GULP1: variants seen among roughly 807,000 people sequenced by gnomAD.
The protein encoded by GULP1 is GULP PTB domain containing engulfment adaptor 1.
In GULP1, 19 loss-of-function variants were observed where a neutral mutation model predicts 40.9. The ratio of observed to expected loss-of-function variants is 0.46; its 90% CI spans 0.32 to 0.68. The LOEUF (loss-of-function observed/expected upper bound fraction) is 0.68. GULP1 is among the 30% of genes least tolerant of loss of function. GULP1 has a pLI of 0.03. For synonymous variants in GULP1, 119 were observed against 117.6 expected (o/e 1.01, Z -0.08); for missense variants, 312 against 362.2 (o/e 0.86, Z 1.12).
At chr2:188,490,583 C>G (rs1048474224) in intron 4 of GULP1, among the ~76,000 whole-genome samples, 5 of 152,062 alleles carry the variant, frequency 3.3e-5, no homozygotes, top group African/African-American at 1.2e-4. Flanking sequence ...GGCCACATGT[C>G]TAAGCTTCCA....
At chr2:188,543,309 G>T (rs1691027136) in intron 7 of GULP1, among the ~76,000 whole-genome samples, 1 of 151,952 alleles carries the variant, frequency 6.6e-6, no homozygotes. Flanking sequence ...TATCAATTGG[G>T]GCTGGAGCTC....
chr2:188,317,996 G>A (rs2039379425), intron 1 of GULP1, among the ~76,000 whole-genome samples: 1 of 151,800 alleles, frequency 6.6e-6, no homozygotes, highest in Admixed American at 6.6e-5. Context: ...ATTTCACTTG[G>A]CTATTTATTG....
chr2:188,434,552 T>C (rs958846684), intron 2 of GULP1, among the ~76,000 whole-genome samples: 3 of 151,728 alleles, frequency 2.0e-5, no homozygotes, highest in African/African-American at 7.2e-5. Flanking sequence ...GCCTTCCATA[T>C]TTGTGACATC....
intron 2 of GULP1, among the ~76,000 whole-genome samples, chr2:188,412,329 C>A (rs2054002672): frequency 6.6e-6 from 1 of 152,102 alleles, no homozygotes; most frequent in African/African-American, 2.4e-5. Context: ...TAATTTAATG[C>A]ACGCCTACCC....
chr2:188,296,988 G>A (rs2105928060), intron 1 of GULP1, among the ~76,000 whole-genome samples: 1 of 151,708 alleles, frequency 6.6e-6, no homozygotes, highest in African/African-American at 2.4e-5. Context: ...CTTTCTGTGT[G>A]TGCATACTTA....
intron 2 of GULP1, among the ~76,000 whole-genome samples, chr2:188,420,826 A>C (rs1022101023): frequency 6.6e-6 from 1 of 152,106 alleles, no homozygotes; most frequent in Non-Finnish European, 1.5e-5. Context: ...TGAGGAAGGA[A>C]GTTCTTACTC....
chr2:188,455,415 T>C (rs999117499), intron 2 of GULP1, among the ~76,000 whole-genome samples: 3 of 152,120 alleles, frequency 2.0e-5, no homozygotes, highest in Admixed American at 1.3e-4. Flanking sequence ...GGCAGGACTT[T>C]CCTGAGCTGT....
chr2:188,360,079 A>G (rs2045891803), intron 1 of GULP1, among the ~76,000 whole-genome samples: 1 of 152,058 alleles, frequency 6.6e-6, no homozygotes, highest in Non-Finnish European at 1.5e-5. Flanking sequence ...CCCATTGGCA[A>G]GATGCTCTGC....
chr2:188,450,151 T>A (rs1016429965), intron 2 of GULP1, among the ~76,000 whole-genome samples: 15 of 152,170 alleles, frequency 9.9e-5, no homozygotes, highest in Admixed American at 2.6e-4. Context: ...TTAAGAAAGA[T>A]ACTTTAGTGA....
intron 4 of GULP1, among the ~76,000 whole-genome samples, chr2:188,485,942 T>C (rs1339958768): frequency 6.6e-6 from 1 of 152,002 alleles, no homozygotes; most frequent in African/African-American, 2.4e-5. Flanking sequence ...TGATTAGAGA[T>C]GTTAATCGTA....
intron 2 of GULP1, among the ~76,000 whole-genome samples, chr2:188,406,650 T>C (rs190313543): frequency 6.6e-6 from 1 of 151,944 alleles, no homozygotes. Context: ...AGATAGGTTA[T>C]TCGAAAATAT....
chr2:188,511,913 C>T (rs1234283300), intron 4 of GULP1, among the ~76,000 whole-genome samples: 1 of 151,776 alleles, frequency 6.6e-6, no homozygotes, highest in Non-Finnish European at 1.5e-5. Flanking sequence ...TAAAGTATAA[C>T]CTTTTGTTGG....
At chr2:188,474,503 T>C (rs1342567966) in intron 2 of GULP1, among the ~76,000 whole-genome samples, 5 of 152,154 alleles carry the variant, frequency 3.3e-5, no homozygotes, top group Non-Finnish European at 5.9e-5. Context: ...TGGTTTTCCT[T>C]TTTGTTATAA....
intron 11 of GULP1, chr2:188,591,165 G>A (rs1319808831): frequency 1.3e-5 from 2 of 151,880 alleles, no homozygotes; most frequent in African/African-American, 4.8e-5. Flanking sequence ...GACCACAAGT[G>A]GCTTACACAT....
At chr2:188,301,679 CATGTCAGGTGAA>C (rs1464599348) in intron 1 of GULP1, among the ~76,000 whole-genome samples, 1 of 152,140 alleles carries the variant, frequency 6.6e-6, no homozygotes, top group Non-Finnish European at 1.5e-5. Flanking sequence ...TCATATGTCA[CATGTCAGGTGAA>C]ATGAGAGGAC....
intron 4 of GULP1, among the ~76,000 whole-genome samples, chr2:188,500,232 A>C (rs1283460128): frequency 1.3e-5 from 2 of 151,852 alleles, no homozygotes; most frequent in African/African-American, 4.8e-5. Context: ...GAGCCTGAAA[A>C]CCTGCATTTT....
At chr2:188,494,625 G>C (rs1453750921) in intron 4 of GULP1, among the ~76,000 whole-genome samples, 1 of 151,930 alleles carries the variant, frequency 6.6e-6, no homozygotes, top group Non-Finnish European at 1.5e-5. Context: ...TTCCAGTTCC[G>C]ATGCTGCTCC....
At chr2:188,427,511 T>TC (rs2152802616) in intron 2 of GULP1, among the ~76,000 whole-genome samples, 1 of 152,276 alleles carries the variant, frequency 6.6e-6, no homozygotes, top group East Asian at 1.9e-4. Flanking sequence ...CTGCACAGAC[T>TC]TGGGACACTG....
chr2:188,438,663 A>G (rs2057650834), intron 2 of GULP1, among the ~76,000 whole-genome samples: 1 of 137,984 alleles, frequency 7.2e-6, no homozygotes, highest in Non-Finnish European at 1.5e-5. Flanking sequence ...CATAGAATAT[A>G]TATATCACAA....
Sources: gnomAD v4.1 joint callset for allele counts (sites outside exome capture counted in the v4.1 genomes callset) on GRCh38, gnomAD v4.1.1 for gene constraint, MANE v1.5 for transcripts, NCBI Gene and HGNC (gene_info 2026-07-23, HGNC 2026-07-21) for gene names.